TMEM79: variants seen among roughly 807,000 people sequenced by gnomAD.
TMEM79 encodes transmembrane protein 79, also known as mattrin.
TMEM79 carries 30 observed loss-of-function variants against 31.2 expected under a neutral mutation model. That is an observed-to-expected ratio of 0.96 (90% CI 0.72 to 1.30). The LOEUF is 1.30. Among genes scored for constraint, TMEM79 ranks in the 50% most tolerant of loss-of-function variants. The probability of loss-of-function intolerance (pLI) is 0.00; values close to 1 mark genes in which losing one functional copy is unlikely to be tolerated. For missense variants in TMEM79, 509 were observed against 528.2 expected (o/e 0.96, Z 0.36); for synonymous variants, 213 against 229.5 (o/e 0.93, Z 0.65).
rs764493025 is a variant in TMEM79 at position 156,291,540 on chromosome 1, T to C, written c.1127T>C (p.Leu376Pro). 19 of 1,609,984 alleles carry C rather than the reference T, an allele frequency of 1.2e-5. No individual in the cohort carries two copies. The highest frequency in any genetic ancestry group is 6.7e-5 in the Admixed American group (4 of 59,970). ...ERMLTATESR[L>P]DYPDHARSAS... The stretch of plus-strand genomic sequence containing the variant: ...ATGCTCACTGCCACCGAGAGCCGCC[T>C]GGACTACCCGGACCACGCCCGCTCG... Residue 376 changes from leucine (L) to proline (P), a missense_variant, in exon 4 of 4, where the codon CTG becomes CCG. Physicochemically the swap from Leu to Pro is moderately conservative, Grantham distance 98 (BLOSUM62 -3). Coordinates refer to ENST00000405535, the MANE Select transcript of TMEM79 (RefSeq NM_032323.3).
intron 3 of TMEM79, 122 bp from the exon 4 acceptor site, chr1:156,291,263 G>C: frequency 1.3e-6 from 1 of 799,452 alleles, no homozygotes; most frequent in Non-Finnish European, 2.1e-6. Context: ...GTATTTGGAA[G>C]TACCAGCCAT....
chr1:156,285,221 C>T lies in TMEM79; in HGVS notation c.-6C>T. 6.6e-7 allele frequency: 1 copy of T among 1,525,010 alleles called. No individual in the cohort carries two copies. The highest frequency in any genetic ancestry group is 8.8e-7 in the Non-Finnish European group (1 of 1,139,854). The allele number at this position is 1,525,010 out of a possible 1,614,324, so 94.5% of individuals were successfully genotyped here. A position where few individuals can be genotyped will look rare whatever the true frequency, so the allele number is the denominator to read the frequency against. Reference sequence around the variant, plus strand: ...TTGTGGTAGATCCCAGAACTGAGGCCCCAGGATGACAGAACAGGAGACCCT... The same window carrying T: ...TTGTGGTAGATCCCAGAACTGAGGCTCCAGGATGACAGAACAGGAGACCCT... On this transcript the variant is annotated 5_prime_UTR_variant, in exon 2 of 4. Transcript: ENST00000405535.
Position 156,285,967 on chromosome 1 carries a change from C to T in TMEM79, c.741C>T (p.Thr247=), listed in dbSNP as rs755700836. Residue 247 remains threonine, a synonymous_variant, in exon 2 of 4, where the codon ACC becomes ACT. Coordinates refer to ENST00000405535, the MANE Select transcript of TMEM79 (RefSeq NM_032323.3). ...IYTLRCGVFA[T]FPIVLGILVY... ...CACTGCGCTGCGGGGTCTTTGCCAC[C>T]TTCCCCATTGTGCTGGGTGAGCCTG... 6.2e-7 allele frequency: 1 copy of T among 1,607,540 alleles called. No homozygotes were observed. Among genetic ancestry groups the T allele is most frequent in the Non-Finnish European group, 8.5e-7 (1 of 1,176,782 alleles).
In TMEM79 at chr1:156,285,501, C is replaced by T. The variant is rs200622807; in HGVS notation, c.275C>T (p.Pro92Leu). The change falls in exon 2 of 4, where the codon CCT becomes CTT. Residue 92 changes from proline to leucine, a missense_variant. Transcript: ENST00000405535. The stretch of plus-strand genomic sequence containing the variant: ...CCCAGTGCTCCGTTCCCGGATCCCC[C>T]TGGCTGGCGGGACATTGAACCAGAG... ...PQPSAPFPDPPGWRDIEPEPP... is the reference protein window; with the variant it reads ...PQPSAPFPDPLGWRDIEPEPP... The T allele has an allele frequency of 1.2e-6, 2 of 1,614,038 alleles. No homozygotes were observed. The highest frequency in any genetic ancestry group is 2.7e-5 in the African/African-American group (2 of 74,936).
rs1663120720 is a variant in TMEM79, at chr1:156,285,430, C to T, written c.204C>T (p.Ser68=). The part of the protein sequence containing the change: ...AIEGAEDGLD[S]TVSEAATLPW... ...AGGGGGCTGAGGATGGTCTAGACAG[C>T]ACAGTAAGTGAGGCTGCCACCTTGC... Residue 68 remains serine, a synonymous_variant, in exon 2 of 4, where the codon AGC becomes AGT. Coordinates refer to ENST00000405535, the MANE Select transcript of TMEM79 (RefSeq NM_032323.3). 1 of 1,612,556 alleles carries T rather than the reference C, an allele frequency of 6.2e-7. No individual in the cohort carries two copies. The highest frequency in any genetic ancestry group is 8.5e-7 in the Non-Finnish European group (1 of 1,179,244).
intron 1 of TMEM79, among the ~76,000 whole-genome samples, chr1:156,284,896 C>T (rs1663105883): frequency 1.3e-5 from 2 of 152,110 alleles, no homozygotes; most frequent in Admixed American, 1.3e-4. Flanking sequence ...GCATAGAAGG[C>T]GTGGGTGGAG....
Position 156,285,469 on chromosome 1 carries a change from C to T in TMEM79, c.243C>T (p.Gly81=), listed in dbSNP as rs777287900. ...SEAATLPWGT[G]PQPSAPFPDP... is the part of the protein sequence containing the mutation. ...CTGCCACCTTGCCCTGGGGGACTGG[C>T]CCTCAGCCCAGTGCTCCGTTCCCGG... Residue 81 remains glycine, a synonymous_variant, in exon 2 of 4, where the codon GGC becomes GGT. Transcript: ENST00000405535. The T allele has an allele frequency of 2.5e-6, 4 of 1,613,946 alleles. No individual in the cohort carries two copies. The African/African-American group carries it at 5.3e-5, about 22-fold the overall frequency.
chr1:156,285,036 G>A (rs1007124308), intron 1 of TMEM79, 148 bp from the exon 2 acceptor site: 4 of 519,684 alleles, frequency 7.7e-6, no homozygotes, highest in Admixed American at 7.7e-5. Flanking sequence ...CTGTTTCAGT[G>A]TCTTCCTCTG....
chr1:156,285,187 G>T lies in TMEM79; in HGVS notation c.-40G>T. 6.6e-7 allele frequency: 1 copy of T among 1,514,542 alleles called. No individual in the cohort carries two copies. Among genetic ancestry groups the T allele is most frequent in the South Asian group, 1.4e-5 (1 of 74,052 alleles). The allele number at this position is 1,514,542 out of a possible 1,614,324, so 93.8% of individuals were successfully genotyped here. On this transcript the variant is annotated 5_prime_UTR_variant, in exon 2 of 4. The change abolishes an upstream ATG in the 5' untranslated region. Coordinates refer to ENST00000405535, the MANE Select transcript of TMEM79 (RefSeq NM_032323.3). ...AGCTTTCCTCTGTTCCCTGCAGGATGACATGACCTTGTGGTAGATCCCAGA... is the reference window on the plus strand; with the variant it reads ...AGCTTTCCTCTGTTCCCTGCAGGATTACATGACCTTGTGGTAGATCCCAGA...
At chr1:156,286,233 C>T (rs949604735) in intron 2 of TMEM79, 27 bp from the exon 3 acceptor site, 1 of 1,610,476 alleles carries the variant, frequency 6.2e-7, no homozygotes, top group Non-Finnish European at 8.5e-7. Flanking sequence ...CTTTTCTGAC[C>T]CTACCCTGTT....
Position 156,285,928 on chromosome 1 carries a change from C to T in TMEM79, c.702C>T (p.Ser234=). 6.2e-7 allele frequency: 1 copy of T among 1,605,024 alleles called. No homozygotes were observed. The highest frequency in any genetic ancestry group is 2.3e-5 in the East Asian group (1 of 44,444). ...TCCCACGGCTGCCCACCATGAGTTC[C>T]CGCCTGATCTACACACTGCGCTGCG... ...FDVPRLPTMS[S]RLIYTLRCGV... Residue 234 remains serine, a synonymous_variant, in exon 2 of 4, where the codon TCC becomes TCT. Transcript: ENST00000405535.
At chr1:156,283,105 A>G (rs1663045878), upstream of TMEM79, 5 of 355,460 alleles carry the variant, frequency 1.4e-5, no homozygotes, top group South Asian at 4.9e-4. Flanking sequence ...TTGTCCTACA[A>G]TGGTCATTTG....
rs1020423430 is a variant in TMEM79 at position 156,291,167 on chromosome 1, C to T, written c.972-218C>T. 7 of 562,176 alleles carry T rather than the reference C, an allele frequency of 1.2e-5. No individual in the cohort carries two copies. The African/African-American group carries it at 1.3e-4, about 11-fold the overall frequency. The allele number at this position is 562,176 out of a possible 1,614,324, so 34.8% of individuals were successfully genotyped here. A position where few individuals can be genotyped will look rare whatever the true frequency, so the allele number is the denominator to read the frequency against. ...AGAGGGAAAGGAATAACATACTCAA[C>T]TTCATAAAGATGTGGGGAAGTCAAA... On this transcript the variant is annotated intron_variant, in intron 3 of 3. Transcript: ENST00000405535.
chr1:156,291,595 C>T lies in TMEM79; in HGVS notation c.1182C>T (p.Gly394=), dbSNP rs1297859447. 6.2e-7 allele frequency: 1 copy of T among 1,611,736 alleles called. No homozygotes were observed. Among genetic ancestry groups the T allele is most frequent in the Non-Finnish European group, 8.5e-7 (1 of 1,179,796 alleles). The change falls in exon 4 of 4, where the codon GGC becomes GGT. Residue 394 remains glycine (G), a synonymous_variant. Coordinates refer to ENST00000405535, the MANE Select transcript of TMEM79 (RefSeq NM_032323.3). ...SASDYRPRPW[G] ...CCGACTACAGGCCCCGCCCCTGGGG[C>T]TGAGCCTCTCCGCCCTCGCCCTCGG... is the stretch of plus-strand genomic sequence containing the variant.
At position 156,286,379 on chromosome 1, in the gene TMEM79, C is replaced by T. The variant is rs747391791; in HGVS notation, c.877C>T (p.Leu293Phe). The change falls in exon 3 of 4, where the codon CTC (leucine) becomes TTC (phenylalanine). Residue 293 changes from leucine (L) to phenylalanine (F), a missense_variant. Leu to Phe is a conservative substitution (Grantham distance 22, BLOSUM62 0). Coordinates refer to ENST00000405535, the MANE Select transcript of TMEM79 (RefSeq NM_032323.3). ...YVAQSVQLFI[L>F]YFFNLAVLST... Reference sequence around the variant, plus strand: ...GGCCCAGTCGGTCCAGCTCTTTATTCTCTACTTCTTCAACCTGGCCGTGCT... The same window carrying T: ...GGCCCAGTCGGTCCAGCTCTTTATTTTCTACTTCTTCAACCTGGCCGTGCT... 2.0e-5 allele frequency: 33 copies of T among 1,614,094 alleles called. No individual in the cohort carries two copies. In the South Asian group the frequency reaches 3.3e-4, roughly 16 times the overall value.
chr1:156,291,085 G>C (rs1663310957), intron 3 of TMEM79: 1 of 350,798 alleles, frequency 2.9e-6, no homozygotes, highest in Non-Finnish European at 5.3e-6. Flanking sequence ...GCCCAGACTG[G>C]CAACATAGCA....
At chr1:156,285,108 A>T (rs1663111338) in intron 1 of TMEM79, 76 bp from the exon 2 acceptor site, 1 of 1,299,346 alleles carries the variant, frequency 7.7e-7, no homozygotes, top group South Asian at 1.8e-5. Context: ...TGCCCTGGAG[A>T]GTATGAGTTC....
rs762068186 is a variant in TMEM79, at chr1:156,285,884, G to T, written c.658G>T (p.Ala220Ser). The change falls in exon 2 of 4, where the codon GCC (alanine) becomes TCC (serine). Residue 220 changes from alanine (A) to serine (S), a missense_variant. Transcript: ENST00000405535. The stretch of plus-strand genomic sequence containing the variant: ...CCCTTGCCTACTATACGGGGCATAT[G>T]CCTTCCTGCCGTTTGATGTCCCACG... ...LFPCLLYGAY[A>S]FLPFDVPRLP... is the part of the protein sequence containing the mutation. 1.9e-6 allele frequency: 3 copies of T among 1,613,792 alleles called. No individual in the cohort carries two copies. Among genetic ancestry groups the T allele is most frequent in the Non-Finnish European group, 1.7e-6 (2 of 1,180,006 alleles).
chr1:156,284,979 C>T (rs184917390), intron 1 of TMEM79, among the ~76,000 whole-genome samples: 8 of 152,226 alleles, frequency 5.3e-5, no homozygotes, highest in African/African-American at 1.4e-4. Flanking sequence ...CATTTGATGT[C>T]GAAAGGGTGC....
Sources: allele counts gnomAD v4.1 joint callset (sites outside exome capture counted in the v4.1 genomes callset), GRCh38; gene constraint gnomAD v4.1.1; transcripts MANE v1.5; gene names NCBI Gene and HGNC (gene_info 2026-07-23, HGNC 2026-07-21).